Variants in IRAK3 observed in about 807,000 individuals in gnomAD.
IRAK3 encodes the protein interleukin 1 receptor associated kinase 3.
Under a neutral mutation model 56.6 loss-of-function variants are expected in IRAK3, and 57 were observed. The ratio of observed to expected loss-of-function variants is 1.01; its 90% CI spans 0.81 to 1.26. The LOEUF is 1.26. Among genes scored for constraint, IRAK3 ranks in the 50% most tolerant of loss-of-function variants. The probability of loss-of-function intolerance (pLI) is 0.00; values close to 1 mark genes in which losing one functional copy is unlikely to be tolerated. For missense variants in IRAK3, 703 were observed against 719.0 expected, an observed-to-expected ratio of 0.98 and a Z score of 0.25; for synonymous variants, 258 against 255.7, an observed-to-expected ratio of 1.01 and a Z score of -0.09.
intron 1 of IRAK3, 32 bp from the exon 2 acceptor site, chr12:66,203,679 A>G: frequency 6.3e-7 from 1 of 1,599,510 alleles, no homozygotes; most frequent in Non-Finnish European, 8.6e-7. Flanking sequence ...AGTACAGTAA[A>G]CAATTCTTTG....
Position 66,189,224 on chromosome 12 carries a change from C to T in IRAK3, c.-76C>T. 3 of 1,510,446 alleles carry T rather than the reference C, an allele frequency of 2.0e-6. No individual in the cohort carries two copies. The highest frequency in any genetic ancestry group is 2.5e-5 in the East Asian group (1 of 40,106). The allele number at this position is 1,510,446 out of a possible 1,614,324, so 93.6% of individuals were successfully genotyped here. A position where few individuals can be genotyped will look rare whatever the true frequency, so the allele number is the denominator to read the frequency against. ...TGCCGTCGTGGAAGCAGGATTTCCG[C>T]GGTTGTGTAACGGCCTGTCGCAGGC... On this transcript the variant is annotated 5_prime_UTR_variant, in exon 1 of 12. Transcript: ENST00000261233.
chr12:66,209,570 A>T, intron 3 of IRAK3, 50 bp downstream of exon 3: 1 of 1,121,384 alleles, frequency 8.9e-7, no homozygotes, highest in Non-Finnish European at 1.4e-6. Flanking sequence ...TTGCATGTAT[A>T]ATTGAGCATA....
chr12:66,229,767 A>G (rs2052825214), intron 8 of IRAK3, among the ~76,000 whole-genome samples: 1 of 152,194 alleles, frequency 6.6e-6, no homozygotes, highest in African/African-American at 2.4e-5. Context: ...CCACAACCTA[A>G]AACAATCCCT....
At chr12:66,231,782 A>C (rs1356297077) in intron 8 of IRAK3, among the ~76,000 whole-genome samples, 1 of 152,232 alleles carries the variant, frequency 6.6e-6, no homozygotes, top group African/African-American at 2.4e-5. Flanking sequence ...GGAGAATAAG[A>C]TAAGGTGAGA....
rs920004911 is a variant in IRAK3, at chr12:66,189,540, T to C, written c.133+108T>C. The C allele has an allele frequency of 5.1e-5, 38 of 750,844 alleles. No homozygotes were observed. In the East Asian group the frequency reaches 2.9e-3, roughly 58 times the overall value. The allele number at this position is 750,844 out of a possible 1,614,324, so 46.5% of individuals were successfully genotyped here. ...GGTCCCTCGCGGGGCTGGCGCGGCC[T>C]CCGGGAAGTTCCCGCCAGGGAGCCG... is the stretch of plus-strand genomic sequence containing the variant. On this transcript the variant is annotated intron_variant, in intron 1 of 11. Coordinates refer to ENST00000261233, the MANE Select transcript of IRAK3 (RefSeq NM_007199.3).
intron 1 of IRAK3, among the ~76,000 whole-genome samples, chr12:66,192,356 T>C (rs1294049672): frequency 6.6e-6 from 1 of 152,246 alleles, no homozygotes; most frequent in East Asian, 1.9e-4. Flanking sequence ...GATGACTTTA[T>C]GGCTTTTAGT....
In IRAK3 at chr12:66,215,785, T is replaced by TGCACGTGCACGTGCGCGCGCGCGC. The variant is rs150339586; in HGVS notation, c.589-1382_589-1381insGTGCACGTGCGCGCGCGCGCGCAC. ...CTCCGCCCCCTATTTTAACCCAACA[T>TGCACGTGCACGTGCGCGCGCGCGC]GCACACACACACACACACACACACA... On this transcript the variant is annotated intron_variant, in intron 5 of 11. Coordinates refer to ENST00000261233, the MANE Select transcript of IRAK3 (RefSeq NM_007199.3). Among the ~76,000 whole-genome samples the TGCACGTGCACGTGCGCGCGCGCGC allele has an allele frequency of 3.0e-3, 94 of 31,198 alleles. 3 individuals are homozygous for TGCACGTGCACGTGCGCGCGCGCGC. The highest frequency in any genetic ancestry group is 4.8e-3 in the South Asian group (5 of 1,046). 20.5% of individuals were successfully genotyped at this position (31,198 alleles called of 152,430 possible).
intron 8 of IRAK3, among the ~76,000 whole-genome samples, chr12:66,232,370 C>G (rs1389319919): frequency 6.6e-6 from 1 of 152,156 alleles, no homozygotes; most frequent in Non-Finnish European, 1.5e-5. Flanking sequence ...AAATCAGTCC[C>G]TTCCACGGCC....
Position 66,244,674 on chromosome 12 carries a change from G to A in IRAK3, c.1076G>A (p.Ser359Asn), listed in dbSNP as rs766993412. ...GKLSIKTDVY[S>N]FGIVIMEVLT... is the part of the protein sequence containing the mutation. ...CTTTCCATTAAAACAGATGTCTACA[G>A]CTTTGGAATTGTGAGTACCAACTGC... The change falls in exon 9 of 12, where the codon AGC (serine) becomes AAC (asparagine). Residue 359 changes from serine (S) to asparagine (N), a missense_variant. Physicochemically the swap from Ser to Asn is conservative, Grantham distance 46. Coordinates refer to ENST00000261233, the MANE Select transcript of IRAK3 (RefSeq NM_007199.3). 24 of 1,613,272 alleles carry A rather than the reference G, an allele frequency of 1.5e-5. No individual in the cohort carries two copies. The highest frequency in any genetic ancestry group is 2.0e-5 in the Non-Finnish European group (24 of 1,179,330).
At chr12:66,212,808 G>T (rs1258463606) in intron 5 of IRAK3, among the ~76,000 whole-genome samples, 2 of 152,100 alleles carry the variant, frequency 1.3e-5, no homozygotes, top group Non-Finnish European at 2.9e-5. Flanking sequence ...GTTCTCACTT[G>T]TAAGTGGGAG....
At chr12:66,220,120 G>C (rs1236293467) in intron 6 of IRAK3, among the ~76,000 whole-genome samples, 1 of 152,066 alleles carries the variant, frequency 6.6e-6, no homozygotes, top group East Asian at 1.9e-4. Flanking sequence ...AAAAATCATT[G>C]CCAAGACCAA....
chr12:66,203,885 C>T lies in IRAK3; in HGVS notation c.308C>T (p.Thr103Ile), dbSNP rs769006238. ...MGHRRAIHLI[T>I]NYGAVLSPSE... The stretch of plus-strand genomic sequence containing the variant: ...CATCGTCGAGCTATTCATTTAATTA[C>T]AAACTATGGTAAATGCTGATTCTTA... The change falls in exon 2 of 12, where the codon ACA becomes ATA. Residue 103 changes from threonine (T) to isoleucine (I), a missense_variant. Thr to Ile is a moderately conservative substitution (Grantham distance 89, BLOSUM62 -1). Coordinates refer to ENST00000261233, the MANE Select transcript of IRAK3 (RefSeq NM_007199.3). The T allele has an allele frequency of 8.9e-5, 144 of 1,612,624 alleles. No individual in the cohort carries two copies. Among genetic ancestry groups the T allele is most frequent in the Non-Finnish European group, 1.2e-4 (141 of 1,178,624 alleles).
intron 7 of IRAK3, 25 bp downstream of exon 7, chr12:66,226,862 T>A: frequency 1.5e-6 from 2 of 1,313,042 alleles, no homozygotes; most frequent in Non-Finnish European, 2.2e-6. Context: ...TTATTCTGTC[T>A]GATCCTCTGA....
At chr12:66,194,891 T>C (rs1039637687) in intron 1 of IRAK3, among the ~76,000 whole-genome samples, 9 of 151,942 alleles carry the variant, frequency 5.9e-5, no homozygotes, top group African/African-American at 1.9e-4. Context: ...TTTATCTCAA[T>C]GTCTTAGCGT....
At chr12:66,207,622 T>G (rs1037813795) in intron 2 of IRAK3, among the ~76,000 whole-genome samples, 1 of 152,238 alleles carries the variant, frequency 6.6e-6, no homozygotes, top group African/African-American at 2.4e-5. Flanking sequence ...TTTACTGATT[T>G]GATGCCTTTC....
chr12:66,242,516 G>T (rs1326058704), intron 8 of IRAK3, among the ~76,000 whole-genome samples: 1 of 152,160 alleles, frequency 6.6e-6, no homozygotes, highest in Non-Finnish European at 1.5e-5. Context: ...GACAGATGGG[G>T]GTGTGTGAGG....
At chr12:66,235,762 T>TA (rs1490811020) in intron 8 of IRAK3, among the ~76,000 whole-genome samples, 1 of 152,352 alleles carries the variant, frequency 6.6e-6, no homozygotes, top group South Asian at 2.1e-4. Context: ...ATTCATGCAT[T>TA]AAAAAAATAT....
intron 1 of IRAK3, among the ~76,000 whole-genome samples, chr12:66,193,138 G>A (rs369052991): frequency 2.6e-5 from 4 of 152,056 alleles, no homozygotes; most frequent in African/African-American, 9.6e-5. Flanking sequence ...CTCCCGAGTA[G>A]CTGGGATTAC....
At chr12:66,194,544 C>G (rs1419767904) in intron 1 of IRAK3, among the ~76,000 whole-genome samples, 1 of 152,092 alleles carries the variant, frequency 6.6e-6, no homozygotes, top group Non-Finnish European at 1.5e-5. Flanking sequence ...GTTACATGCC[C>G]CTGCCGGACG....
Sources: allele counts gnomAD v4.1 joint callset (sites outside exome capture counted in the v4.1 genomes callset), GRCh38; gene constraint gnomAD v4.1.1; transcripts MANE v1.5; gene names NCBI Gene and HGNC (gene_info 2026-07-23, HGNC 2026-07-21).